The following COL18A1 variants were observed in gnomAD, a reference collection of about 807,000 sequenced individuals.
COL18A1 encodes collagen type XVIII alpha 1 chain.
A neutral mutation model predicts 168.0 loss-of-function variants in COL18A1; 133 were observed. The ratio of observed to expected loss-of-function variants is 0.79; its 90% confidence interval spans 0.69 to 0.91. COL18A1 has a LOEUF of 0.91. Ranked by LOEUF, COL18A1 falls within the 40% of genes least tolerant of loss-of-function variation. The probability of loss-of-function intolerance (pLI) is 0.00; values close to 1 mark genes in which losing one functional copy is unlikely to be tolerated. For missense variants in COL18A1, 2,126 were observed against 1,925.4 expected, an observed-to-expected ratio of 1.10 and a Z score of -1.95; for synonymous variants, 949 against 809.0, an observed-to-expected ratio of 1.17 and a Z score of -2.94.
intron 32 of COL18A1, among the ~76,000 whole-genome samples, chr21:45,499,365 G>C (rs1190615492): frequency 6.6e-6 from 1 of 152,236 alleles, no homozygotes; most frequent in Non-Finnish European, 1.5e-5. Flanking sequence ...AGGGAGGTCA[G>C]AGGCTCCCTC....
intron 2 of COL18A1, among the ~76,000 whole-genome samples, chr21:45,455,177 G>A (rs2145849472): frequency 6.6e-6 from 1 of 152,366 alleles, no homozygotes; most frequent in African/African-American, 2.4e-5. Flanking sequence ...TGGGGTCCTG[G>A]CTTGGAGCCC....
rs1193854116 is a variant in COL18A1, at chr21:45,437,113, TCACA to T, written c.107-31124_107-31121del. 6.0e-4 allele frequency among the ~76,000 whole-genome samples: 32 copies of T among 53,088 alleles called. No homozygotes were observed. In the East Asian group the frequency reaches 6.8e-3, roughly 11 times the overall value. 34.8% of individuals were successfully genotyped at this position (53,088 alleles called of 152,430 possible). A position where few individuals can be genotyped will look rare whatever the true frequency, so the allele number is the denominator to read the frequency against. On this transcript the variant is annotated intron_variant, in intron 2 of 41. Transcript: ENST00000651438. Reference sequence around the variant, plus strand: ...CACAGGCACTCTCCTGCACACACACTCACACACAGACACACAGGCACTCTCCACA... The same window carrying T: ...CACAGGCACTCTCCTGCACACACACTCACAGACACACAGGCACTCTCCACA...
chr21:45,438,229 G>GACACACAGGCACTCTCCTGCAC (rs2034257004), intron 2 of COL18A1, among the ~76,000 whole-genome samples: 9 of 39,958 alleles, frequency 2.3e-4, no homozygotes, highest in African/African-American at 9.4e-4. Context: ...CACACACTCA[G>GACACACAGGCACTCTCCTGCAC]ACACACAGGC....
chr21:45,421,542 G>A (rs2033624350), intron 2 of COL18A1: 1 of 534,528 alleles, frequency 1.9e-6, no homozygotes, highest in African/African-American at 1.9e-5. Flanking sequence ...TTGTCATGCT[G>A]TTAATTAGAT....
At chr21:45,456,713 C>T in intron 2 of COL18A1, 1 of 1,533,238 alleles carries the variant, frequency 6.5e-7, no homozygotes, top group Non-Finnish European at 8.7e-7. Context: ...GCTGCTGGTC[C>T]CCCCATGCGG....
At position 45,456,079 on chromosome 21, in the gene COL18A1, C is replaced by T. The variant is rs767031366; in HGVS notation, c.107-12163C>T. The T allele has an allele frequency of 4.7e-5, 76 of 1,602,530 alleles. No individual in the cohort carries two copies. The highest frequency in any genetic ancestry group is 3.3e-4 in the Middle Eastern group (2 of 6,034). ...CTAGCTCTCCGGGCGCCCACACAAC[C>T]GAGGCTGGCACCTTGCCTGCACCCA... is the stretch of plus-strand genomic sequence containing the variant. On this transcript the variant is annotated intron_variant, in intron 2 of 41. Transcript: ENST00000651438.
At chr21:45,459,953 C>G (rs958660406) in intron 2 of COL18A1, among the ~76,000 whole-genome samples, 1 of 152,108 alleles carries the variant, frequency 6.6e-6, no homozygotes, top group African/African-American at 2.4e-5. Context: ...CCCTCCTGAG[C>G]TCTCACAAAC....
In COL18A1 at chr21:45,488,449, G is replaced by C; in HGVS notation, c.1923+5G>C. 4 of 1,613,946 alleles carry C rather than the reference G, an allele frequency of 2.5e-6. No homozygotes were observed. The highest frequency in any genetic ancestry group is 3.4e-6 in the Non-Finnish European group (4 of 1,180,010). ...CCCGGCCTGCCGGGACTTAAGGTCA[G>C]TGACGGATATGTCTGGGTTTCTGTG... On this transcript the variant is annotated splice_donor_5th_base_variant and intron_variant, in intron 18 of 41. Transcript: ENST00000651438.
At chr21:45,476,558 G>GGTATGTGTGTGAT in intron 6 of COL18A1, 78 bp downstream of exon 6, 1 of 1,511,774 alleles carries the variant, frequency 6.6e-7, no homozygotes, top group Non-Finnish European at 9.0e-7. Context: ...GTGATGGTGA[G>GGTATGTGTGTGAT]GTATGTGTGT....
rs1413623895 is a variant in COL18A1, at chr21:45,443,354, T to C, written c.107-24888T>C. Among the ~76,000 whole-genome samples, 3 of 152,114 alleles carry C rather than the reference T, an allele frequency of 2.0e-5. No homozygotes were observed. The highest frequency in any genetic ancestry group is 2.9e-5 in the Non-Finnish European group (2 of 67,986). Reference sequence around the variant, plus strand: ...TGGGGCCTTCCATGAGAAAACCCAGTTAAGGAGCAACCTGGTAAACCCTTG... The same window carrying C: ...TGGGGCCTTCCATGAGAAAACCCAGCTAAGGAGCAACCTGGTAAACCCTTG... On this transcript the variant is annotated intron_variant, in intron 2 of 41. Transcript: ENST00000651438. This position sits in a 1 kb window ranked among gnomAD's most constrained non-coding sequence, Gnocchi z 5.2.
At chr21:45,437,239 C>T (rs1388692669) in intron 2 of COL18A1, among the ~76,000 whole-genome samples, 1 of 116,972 alleles carries the variant, frequency 8.5e-6, no homozygotes, top group African/African-American at 4.0e-5. Context: ...CACAGGCACT[C>T]TCCTGTACAC....
intron 2 of COL18A1, among the ~76,000 whole-genome samples, chr21:45,434,979 G>A (rs1031953218): frequency 2.0e-5 from 3 of 152,108 alleles, no homozygotes; most frequent in African/African-American, 7.2e-5. Flanking sequence ...GGGGAAGCCG[G>A]GGGCTGGTTC....
rs1454826481 is a variant in COL18A1 at position 45,471,083 on chromosome 21, C to T, written c.651+2297C>T. Among the ~76,000 whole-genome samples, 4 of 128,696 alleles carry T rather than the reference C, an allele frequency of 3.1e-5. No homozygotes were observed. The highest frequency in any genetic ancestry group is 5.5e-5 in the Non-Finnish European group (3 of 54,920). The allele number at this position is 128,696 out of a possible 152,430, so 84.4% of individuals were successfully genotyped here. A position where few individuals can be genotyped will look rare whatever the true frequency, so the allele number is the denominator to read the frequency against. On this transcript the variant is annotated intron_variant, in intron 3 of 41. Coordinates refer to ENST00000651438, the MANE Select transcript of COL18A1 (RefSeq NM_001379500.1). This position sits in a 1 kb window ranked among gnomAD's most constrained non-coding sequence, Gnocchi z 4.4. ...GCCTTGTGCTGCTGGGCCTGGGTGG[C>T]GCGCTACGGGCCGTGTGCTGCTGGG...
At chr21:45,479,215 C>T (rs1044205670) in intron 9 of COL18A1, among the ~76,000 whole-genome samples, 1 of 152,084 alleles carries the variant, frequency 6.6e-6, no homozygotes, top group Non-Finnish European at 1.5e-5. Context: ...CGTACACATA[C>T]CACACATGCA....
Position 45,504,700 on chromosome 21 carries a change from G to A in COL18A1, c.2868+144G>A, listed in dbSNP as rs535023143. 2.6e-3 allele frequency: 1,846 copies of A among 723,884 alleles called. 33 individuals carry two copies. In the South Asian group the frequency reaches 0.029, roughly 11 times the overall value. 44.8% of individuals were successfully genotyped at this position (723,884 alleles called of 1,614,324 possible). A position where few individuals can be genotyped will look rare whatever the true frequency, so the allele number is the denominator to read the frequency against. On this transcript the variant is annotated intron_variant, in intron 34 of 41. Transcript: ENST00000651438. ...GCAGCCCCGACATGTCCCTGTCCCC[G>A]TGTGGGGACGCAGCAGGCCACATGG...
At chr21:45,436,782 G>A (rs112930268) in intron 2 of COL18A1, among the ~76,000 whole-genome samples, 25 of 151,934 alleles carry the variant, frequency 1.6e-4, no homozygotes, top group African/African-American at 6.0e-4. Flanking sequence ...TGGCTTGGCG[G>A]GGAAGCTGTG....
At chr21:45,446,199 A>C (rs1347068626) in intron 2 of COL18A1, among the ~76,000 whole-genome samples, 1 of 152,148 alleles carries the variant, frequency 6.6e-6, no homozygotes, top group African/African-American at 2.4e-5. Flanking sequence ...TTCCTCACTG[A>C]ACAGTCTCGA....
chr21:45,510,734 C>T (rs1438040096), intron 40 of COL18A1, among the ~76,000 whole-genome samples: 2 of 152,306 alleles, frequency 1.3e-5, no homozygotes, highest in East Asian at 3.9e-4. Flanking sequence ...CGGGGAGCAC[C>T]CACATTCCCC....
intron 2 of COL18A1, among the ~76,000 whole-genome samples, chr21:45,442,813 G>A (rs1237153520): frequency 7.0e-6 from 1 of 142,688 alleles, no homozygotes; most frequent in Non-Finnish European, 1.6e-5. Context: ...GCTGGTGTGG[G>A]CGGAGGTCCT....
Sources: gnomAD v4.1 joint callset for allele counts (sites outside exome capture counted in the v4.1 genomes callset) on GRCh38, gnomAD v4.1.1 for gene constraint, Gnocchi (gnomAD v3.1) non-coding constraint, MANE v1.5 for transcripts, NCBI Gene and HGNC (gene_info 2026-07-23, HGNC 2026-07-21) for gene names.